Variants in SH3BP5 observed in about 807,000 individuals in gnomAD.
SH3BP5 encodes SH3 domain binding protein 5.
A neutral mutation model predicts 43.3 loss-of-function variants in SH3BP5; 22 were observed. The ratio of observed to expected loss-of-function variants is 0.51; its 90% CI spans 0.36 to 0.73. The LOEUF is 0.73. SH3BP5 is among the 30% of genes least tolerant of loss of function. The probability of loss-of-function intolerance (pLI) is 0.00; values close to 1 mark genes in which losing one functional copy is unlikely to be tolerated. For synonymous variants in SH3BP5, 255 were observed against 225.8 expected, an observed-to-expected ratio of 1.13 and a Z score of -1.16; for missense variants, 529 against 586.9, an observed-to-expected ratio of 0.90 and a Z score of 1.02.
At chr3:15,272,581 TGCC>T in intron 3 of SH3BP5, among the ~76,000 whole-genome samples, 1 of 107,100 alleles carries the variant, frequency 9.3e-6, no homozygotes, top group African/African-American at 7.7e-5. Flanking sequence ...CAAAACAGAG[TGCC>T]TGTAGGATAA....
chr3:15,285,171 A>T (rs2125086101), intron 3 of SH3BP5, among the ~76,000 whole-genome samples: 1 of 152,336 alleles, frequency 6.6e-6, no homozygotes, highest in African/African-American at 2.4e-5. Flanking sequence ...CTATGGTAGA[A>T]ATGATAATCC....
rs564474437 is a variant in SH3BP5, at chr3:15,297,528, T to G, written c.330+6575A>C. ...GTACTAATTCAATCGCTGTAGTAAA[T>G]TGCAAAAGTAGCTAGAATAAGTTGC... On this transcript the variant is annotated intron_variant, in intron 3 of 8. Transcript: ENST00000383791. Among the ~76,000 whole-genome samples, 22 of 152,338 alleles carry G rather than the reference T, an allele frequency of 1.4e-4. No individual in the cohort carries two copies. In the South Asian group the frequency reaches 3.7e-3, roughly 26 times the overall value.
At chr3:15,321,671 T>C (rs148904106) in intron 2 of SH3BP5, among the ~76,000 whole-genome samples, 4,261 of 152,126 alleles carry the variant, frequency 0.028, 69 homozygotes, top group South Asian at 0.081. Flanking sequence ...CATCTGAGGG[T>C]ACATTTTTCT....
chr3:15,295,013 T>A (rs1163512660), intron 3 of SH3BP5, among the ~76,000 whole-genome samples: 1 of 152,130 alleles, frequency 6.6e-6, no homozygotes, highest in African/African-American at 2.4e-5. Context: ...CTCTTGTGCT[T>A]CGGAGTGTGC....
At chr3:15,310,956 C>T (rs1559452956) in intron 2 of SH3BP5, among the ~76,000 whole-genome samples, 1 of 152,158 alleles carries the variant, frequency 6.6e-6, no homozygotes, top group Non-Finnish European at 1.5e-5. Context: ...ACATGAAGCA[C>T]ACAGGATGAG....
chr3:15,338,389 A>G (rs772298024), intron 1 of SH3BP5, among the ~76,000 whole-genome samples: 1 of 152,260 alleles, frequency 6.6e-6, no homozygotes, highest in South Asian at 2.1e-4. Flanking sequence ...ACTACCTGTT[A>G]ACTCCTAGAA....
At chr3:15,286,914 C>T (rs922614093) in intron 3 of SH3BP5, among the ~76,000 whole-genome samples, 3 of 152,144 alleles carry the variant, frequency 2.0e-5, no homozygotes, top group South Asian at 2.1e-4. Context: ...CATGAAGATG[C>T]GGAAAGGATA....
chr3:15,259,928 C>CT, intron 5 of SH3BP5, 125 bp from the exon 6 acceptor site: 2 of 824,352 alleles, frequency 2.4e-6, no homozygotes, highest in Admixed American at 2.0e-5. Flanking sequence ...TTAGTAAACT[C>CT]TTAACAAGGC....
At chr3:15,336,249 G>A (rs1241837031), upstream of SH3BP5, among the ~76,000 whole-genome samples, 3 of 152,208 alleles carry the variant, frequency 2.0e-5, no homozygotes, top group Non-Finnish European at 4.4e-5. Flanking sequence ...TGCCTTGGGT[G>A]TTGGCAAAAA....
upstream of SH3BP5, chr3:15,333,086 A>G (rs1274170577): frequency 2.0e-6 from 2 of 985,368 alleles, no homozygotes; most frequent in Non-Finnish European, 2.4e-6. Flanking sequence ...CGGCGGTCCT[A>G]CCTGAATAGC....
intron 2 of SH3BP5, 73 bp downstream of exon 2, chr3:15,330,431 G>C: frequency 4.6e-6 from 6 of 1,292,838 alleles, no homozygotes; most frequent in Non-Finnish European, 6.7e-6. Flanking sequence ...CAGCTATGAA[G>C]ACAAAATTAA....
intron 2 of SH3BP5, among the ~76,000 whole-genome samples, chr3:15,311,876 T>A (rs1698067927): frequency 6.6e-6 from 1 of 151,970 alleles, no homozygotes; most frequent in African/African-American, 2.4e-5. Flanking sequence ...GTCTGTGTTG[T>A]CCAGGCTGGT....
At chr3:15,309,222 A>G (rs1697987514) in intron 2 of SH3BP5, among the ~76,000 whole-genome samples, 1 of 152,238 alleles carries the variant, frequency 6.6e-6, no homozygotes, top group African/African-American at 2.4e-5. Context: ...TTAAACTAAT[A>G]TAGTTAACTG....
chr3:15,257,121 G>A lies in SH3BP5; in HGVS notation c.890-8C>T, dbSNP rs1194094269. On this transcript the variant is annotated splice_region_variant and splice_polypyrimidine_tract_variant and intron_variant, in intron 7 of 8. Coordinates refer to ENST00000383791, the MANE Select transcript of SH3BP5 (RefSeq NM_004844.5). The stretch of plus-strand genomic sequence containing the variant: ...CAAAGGCCTCCGAGGCCACTAAGTT[G>A]AGAGAGAACACCAGTCACATGGGTT... 1.2e-6 allele frequency: 2 copies of A among 1,611,966 alleles called. No individual in the cohort carries two copies. The highest frequency in any genetic ancestry group is 2.7e-5 in the African/African-American group (2 of 74,876).
chr3:15,336,953 A>G (rs949415334), upstream of SH3BP5, among the ~76,000 whole-genome samples: 3 of 152,188 alleles, frequency 2.0e-5, no homozygotes, highest in African/African-American at 7.2e-5. Flanking sequence ...AGCACTTGGC[A>G]TAATCCCAAC....
rs1697620099 is a variant in SH3BP5, at chr3:15,297,879, A to G, written c.330+6224T>C. Reference sequence around the variant, plus strand: ...AGCCTGAGATCAGAAAAACTGGCCAACAAAACCATGAGCTAAATAAATGTT... The same window carrying G: ...AGCCTGAGATCAGAAAAACTGGCCAGCAAAACCATGAGCTAAATAAATGTT... On this transcript the variant is annotated intron_variant, in intron 3 of 8. Coordinates refer to ENST00000383791, the MANE Select transcript of SH3BP5 (RefSeq NM_004844.5). Among the ~76,000 whole-genome samples the G allele has an allele frequency of 1.3e-5, 2 of 152,172 alleles. 1 individual carries two copies. Among genetic ancestry groups the G allele is most frequent in the African/African-American group, 4.8e-5 (2 of 41,426 alleles).
intron 2 of SH3BP5, among the ~76,000 whole-genome samples, chr3:15,316,264 A>C (rs1384576472): frequency 1.7e-5 from 2 of 114,760 alleles, no homozygotes; most frequent in Non-Finnish European, 3.2e-5. Flanking sequence ...TCGCTTTGTC[A>C]CCCAGGCTGG....
chr3:15,291,598 G>C (rs1280250388), intron 3 of SH3BP5, among the ~76,000 whole-genome samples: 3 of 152,122 alleles, frequency 2.0e-5, no homozygotes, highest in African/African-American at 7.2e-5. Context: ...ACATCCCACT[G>C]GGTAGAAATG....
chr3:15,290,333 C>T lies in SH3BP5; in HGVS notation c.330+13770G>A, dbSNP rs144275595. Among the ~76,000 whole-genome samples, 188 of 151,840 alleles carry T rather than the reference C, an allele frequency of 1.2e-3. 1 individual carries two copies. The highest frequency in any genetic ancestry group is 3.7e-3 in the African/African-American group (154 of 41,372). The stretch of plus-strand genomic sequence containing the variant: ...CACGAGGTCAGGAGATGGAGACCAC[C>T]CTGGCTAACAGTGAAATCCCATCTC... On this transcript the variant is annotated intron_variant, in intron 3 of 8. Transcript: ENST00000383791.
Sources: gnomAD v4.1 joint callset for allele counts (sites outside exome capture counted in the v4.1 genomes callset) on GRCh38, gnomAD v4.1.1 for gene constraint, MANE v1.5 for transcripts, NCBI Gene and HGNC (gene_info 2026-07-23, HGNC 2026-07-21) for gene names.